MTMR7: variants seen among roughly 807,000 people sequenced by gnomAD.
The protein encoded by MTMR7 is phosphatidylinositol-3-phosphate phosphatase MTMR7.
A neutral mutation model predicts 81.2 loss-of-function variants in MTMR7; 76 were observed. The ratio of observed to expected loss-of-function variants is 0.94; its 90% CI spans 0.78 to 1.13. The LOEUF (loss-of-function observed/expected upper bound fraction) is 1.13. MTMR7 is among the 50% of genes most tolerant of loss of function. MTMR7 has a pLI of 0.00. For missense variants in MTMR7, 1,044 were observed against 820.0 expected, an observed-to-expected ratio of 1.27 and a Z score of -3.34; for synonymous variants, 372 against 289.8, an observed-to-expected ratio of 1.28 and a Z score of -2.88.
intron 1 of MTMR7, among the ~76,000 whole-genome samples, chr8:17,383,915 A>T: frequency 6.6e-6 from 1 of 152,152 alleles, no homozygotes; most frequent in Non-Finnish European, 1.5e-5. Context: ...CTAACCAGCA[A>T]TGCAGTAATT....
chr8:17,310,314 G>A (rs1817714539), intron 9 of MTMR7, among the ~76,000 whole-genome samples: 1 of 152,116 alleles, frequency 6.6e-6, no homozygotes, highest in South Asian at 2.1e-4. Flanking sequence ...ATTTTAAAAA[G>A]TGTTCAGTCA....
At chr8:17,356,130 C>T (rs902974727) in intron 4 of MTMR7, among the ~76,000 whole-genome samples, 1 of 152,180 alleles carries the variant, frequency 6.6e-6, no homozygotes, top group Non-Finnish European at 1.5e-5. Context: ...ATTCTCCCTC[C>T]TTTGTTAAGC....
intron 1 of MTMR7, among the ~76,000 whole-genome samples, chr8:17,394,875 C>T (rs1821204558): frequency 6.6e-6 from 1 of 152,090 alleles, no homozygotes; most frequent in Non-Finnish European, 1.5e-5. Flanking sequence ...TAAGTATTTA[C>T]TGAGCAGTGG....
At chr8:17,390,003 A>G (rs974316469) in intron 1 of MTMR7, among the ~76,000 whole-genome samples, 1 of 152,002 alleles carries the variant, frequency 6.6e-6, no homozygotes, top group African/African-American at 2.4e-5. Flanking sequence ...TTGGGAAGAT[A>G]AAGTCACTGC....
At chr8:17,359,996 A>T (rs937846273) in intron 4 of MTMR7, among the ~76,000 whole-genome samples, 1 of 152,208 alleles carries the variant, frequency 6.6e-6, no homozygotes, top group Admixed American at 6.5e-5. Flanking sequence ...AGTTACCAGG[A>T]TGTTCTCCAT....
rs569085644 is a variant in MTMR7, at chr8:17,298,573, ATGTAAAT to A, written c.*1282_*1288del. On this transcript the variant is annotated 3_prime_UTR_variant, in exon 14 of 14. Transcript: ENST00000180173. ...AAAAAATCAGATATTCAAAATATTGATGTAAATTGTAAAGTTTAAATTAATCCTTTCA... is the reference window on the plus strand; with the variant it reads ...AAAAAATCAGATATTCAAAATATTGATGTAAAGTTTAAATTAATCCTTTCA... 84 of 152,694 alleles carry A rather than the reference ATGTAAAT, an allele frequency of 5.5e-4. 1 individual carries two copies. The highest frequency in any genetic ancestry group is 2.0e-3 in the African/African-American group (83 of 41,572). 9.5% of individuals were successfully genotyped at this position (152,694 alleles called of 1,614,324 possible).
intron 1 of MTMR7, among the ~76,000 whole-genome samples, chr8:17,376,093 T>G (rs1820577439): frequency 6.6e-6 from 1 of 152,114 alleles, no homozygotes; most frequent in African/African-American, 2.4e-5. Flanking sequence ...CCCCAACCAC[T>G]CCGGCCCTAA....
intron 5 of MTMR7, among the ~76,000 whole-genome samples, chr8:17,347,159 C>A (rs1819580378): frequency 6.7e-6 from 1 of 149,734 alleles, no homozygotes; most frequent in Non-Finnish European, 1.5e-5. Context: ...TGTGCCACTG[C>A]ACTCCAGCCT....
At chr8:17,368,246 C>G (rs1325591158) in intron 3 of MTMR7, among the ~76,000 whole-genome samples, 2 of 152,150 alleles carry the variant, frequency 1.3e-5, no homozygotes, top group South Asian at 4.1e-4. Context: ...CACGCTTGCA[C>G]GCCCGCCACT....
chr8:17,389,517 T>C (rs776883096), intron 1 of MTMR7, among the ~76,000 whole-genome samples: 24 of 152,184 alleles, frequency 1.6e-4, no homozygotes, highest in Middle Eastern at 3.2e-3. Flanking sequence ...TCCTTGAAGA[T>C]TGGCACTAAT....
intron 1 of MTMR7, among the ~76,000 whole-genome samples, chr8:17,400,136 T>C (rs899615384): frequency 6.6e-6 from 1 of 152,194 alleles, no homozygotes; most frequent in Non-Finnish European, 1.5e-5. Context: ...ACTGTTGAGA[T>C]TGAATTTATT....
At chr8:17,411,470 C>G (rs188563151) in intron 1 of MTMR7, among the ~76,000 whole-genome samples, 3 of 152,188 alleles carry the variant, frequency 2.0e-5, no homozygotes, top group African/African-American at 7.2e-5. Context: ...GCACTTAACA[C>G]AGAGCCTGGC....
rs368481299 is a variant in MTMR7, at chr8:17,361,238, G to A, written c.347C>T (p.Pro116Leu). Reference sequence around the variant, plus strand: ...CTCTCTTTCTTCTTTATCCAGCATGGGGTTGAATGAAAAGCAGTATAACTC... The same window carrying A: ...CTCTCTTTCTTCTTTATCCAGCATGAGGTTGAATGAAAAGCAGTATAACTC... ...YEELYCFSFN[P>L]MLDKEEREQG... Residue 116 changes from proline (P) to leucine (L), a missense_variant, in exon 4 of 14, where the codon CCC (proline) becomes CTC (leucine). Physicochemically the swap from Pro to Leu is moderately conservative, Grantham distance 98 (BLOSUM62 -3). Coordinates refer to ENST00000180173, the MANE Select transcript of MTMR7 (RefSeq NM_004686.5). 9 of 1,613,938 alleles carry A rather than the reference G, an allele frequency of 5.6e-6. No homozygotes were observed. In the African/African-American group the frequency reaches 1.2e-4, roughly 22 times the overall value.
At chr8:17,379,558 T>C (rs1297586085) in intron 1 of MTMR7, among the ~76,000 whole-genome samples, 1 of 152,228 alleles carries the variant, frequency 6.6e-6, no homozygotes, top group African/African-American at 2.4e-5. Flanking sequence ...GATTTGTTTA[T>C]CCTGCTTGTA....
chr8:17,327,108 G>A (rs1273487922), intron 7 of MTMR7, among the ~76,000 whole-genome samples: 1 of 152,278 alleles, frequency 6.6e-6, no homozygotes, highest in African/African-American at 2.4e-5. Flanking sequence ...ATTCTCCCAT[G>A]TTAGTACATA....
At chr8:17,334,629 G>C (rs1363319877) in intron 6 of MTMR7, among the ~76,000 whole-genome samples, 2 of 152,190 alleles carry the variant, frequency 1.3e-5, no homozygotes, top group Non-Finnish European at 2.9e-5. Flanking sequence ...AGTCAACACT[G>C]TATAGACACC....
intron 1 of MTMR7, 82 bp from the exon 2 acceptor site, chr8:17,373,322 CACTT>C: frequency 6.8e-7 from 1 of 1,462,122 alleles, no homozygotes; most frequent in South Asian, 1.4e-5. Flanking sequence ...GGTAAACTCA[CACTT>C]ACTCCAAAAT....
At chr8:17,306,362 TGGGAA>T (rs1817455375) in intron 10 of MTMR7, among the ~76,000 whole-genome samples, 1 of 151,876 alleles carries the variant, frequency 6.6e-6, no homozygotes, top group South Asian at 2.1e-4. Context: ...GCTGTTTTGT[TGGGAA>T]GGGATGAGGA....
chr8:17,324,508 G>A (rs539930031), intron 7 of MTMR7, among the ~76,000 whole-genome samples: 13 of 152,302 alleles, frequency 8.5e-5, no homozygotes, highest in Admixed American at 5.2e-4. Flanking sequence ...CTGCCTCTGC[G>A]CTTAGTGTTG....
Sources: allele counts gnomAD v4.1 joint callset (sites outside exome capture counted in the v4.1 genomes callset), GRCh38; gene constraint gnomAD v4.1.1; transcripts MANE v1.5; gene names NCBI Gene and HGNC (gene_info 2026-07-23, HGNC 2026-07-21).